Variants in CCNH observed in about 807,000 individuals in gnomAD.
CCNH encodes cyclin-H.
CCNH carries 31 observed loss-of-function variants against 41.9 expected under a neutral mutation model. The ratio of observed to expected loss-of-function variants is 0.74; its 90% CI spans 0.56 to 1.00. CCNH has a LOEUF of 1.00. Among genes scored for constraint, CCNH ranks in the 50% least tolerant of loss-of-function variants. The probability of loss-of-function intolerance (pLI) is 0.00; values close to 1 mark genes in which losing one functional copy is unlikely to be tolerated. For synonymous variants in CCNH, 138 were observed against 136.1 expected (o/e 1.01, Z -0.10); for missense variants, 362 against 388.4 (o/e 0.93, Z 0.57).
At chr5:87,360,937 T>C (rs905422611) in intron 9 of CCNH, among the ~76,000 whole-genome samples, 9 of 152,244 alleles carry the variant, frequency 5.9e-5, no homozygotes, top group African/African-American at 1.4e-4. Context: ...ATTTTAAGTA[T>C]GTTCAATCAA....
At chr5:87,381,648 T>C (rs1761723650), upstream of CCNH, among the ~76,000 whole-genome samples, 1 of 152,162 alleles carries the variant, frequency 6.6e-6, no homozygotes, top group South Asian at 2.1e-4. Context: ...GAACTACAGA[T>C]TCTGTTTTTC....
downstream of CCNH, among the ~76,000 whole-genome samples, chr5:87,390,185 A>C (rs1198646803): frequency 1.3e-5 from 2 of 152,208 alleles, no homozygotes; most frequent in African/African-American, 4.8e-5. Context: ...GATATTGGAG[A>C]TATAGAACAA....
intron 9 of CCNH, chr5:87,363,642 C>T (rs1356290995): frequency 2.1e-6 from 2 of 931,384 alleles, no homozygotes; most frequent in East Asian, 5.3e-5. Context: ...TTTTGCCTTC[C>T]TTGCTTAATT....
At chr5:87,357,144 C>T (rs899052494) in intron 9 of CCNH, among the ~76,000 whole-genome samples, 1 of 152,028 alleles carries the variant, frequency 6.6e-6, no homozygotes, top group Non-Finnish European at 1.5e-5. Flanking sequence ...TAACATCCAT[C>T]TTGTTTCACT....
At chr5:87,339,760 T>C (rs1238293966) in intron 9 of CCNH, among the ~76,000 whole-genome samples, 1 of 152,150 alleles carries the variant, frequency 6.6e-6, no homozygotes, top group Admixed American at 6.5e-5. Flanking sequence ...TATAGTAACA[T>C]TATAAATTAA....
At position 87,385,169 on chromosome 5, in the gene CCNH, C is replaced by T. The variant is rs1761982380; in HGVS notation, c.*90+7601G>A. The T allele has an allele frequency of 1.3e-5, 9 of 696,376 alleles. No individual in the cohort carries two copies. The South Asian group carries it at 1.5e-4, about 11-fold the overall frequency. 43.1% of individuals were successfully genotyped at this position (696,376 alleles called of 1,614,324 possible). On this transcript the variant is annotated intron_variant and NMD_transcript_variant, in intron 9 of 9. Coordinates refer to the CCNH transcript ENST00000645953. Reference sequence around the variant, plus strand: ...TTTTCAAAAAACATTTTTCCAAAAACATTCTGAGTTCCGAATGGAAGAATG... The same window carrying T: ...TTTTCAAAAAACATTTTTCCAAAAATATTCTGAGTTCCGAATGGAAGAATG...
chr5:87,393,504 A>T (rs539392440), downstream of CCNH: 1 of 152,240 alleles, frequency 6.6e-6, no homozygotes, highest in Non-Finnish European at 1.5e-5. Context: ...AGTGAAATAC[A>T]GCTGGCCATG....
chr5:87,394,439 C>T lies in CCNH; in HGVS notation c.*7G>A, dbSNP rs1444427053. 1.2e-6 allele frequency: 2 copies of T among 1,612,070 alleles called. No individual in the cohort carries two copies. Among genetic ancestry groups the T allele is most frequent in the African/African-American group, 2.7e-5 (2 of 74,852 alleles). On this transcript the variant is annotated 3_prime_UTR_variant, in exon 9 of 9. Transcript: ENST00000256897. ...TTAGTTAGCATTGAGAAATCAACTT[C>T]AAATGGTTAGAGAGATTCTACCAGG...
At chr5:87,346,945 C>T (rs1394445134) in intron 9 of CCNH, among the ~76,000 whole-genome samples, 1 of 151,968 alleles carries the variant, frequency 6.6e-6, no homozygotes, top group Non-Finnish European at 1.5e-5. Context: ...AGGCCCCTGT[C>T]CACTTCCTCA....
At chr5:87,379,967 C>T (rs1761595336), upstream of CCNH, 3 of 1,063,212 alleles carry the variant, frequency 2.8e-6, no homozygotes, top group Non-Finnish European at 4.1e-6. Context: ...CTGAAAAAGT[C>T]ATGGTTAATC....
downstream of CCNH, among the ~76,000 whole-genome samples, chr5:87,317,028 G>A (rs545240677): frequency 2.0e-5 from 3 of 152,124 alleles, no homozygotes; most frequent in African/African-American, 7.2e-5. Context: ...GATTACAGGC[G>A]TGTGCCACTA....
At chr5:87,324,690 T>TTATATACAATATATATACAATA (rs1466823446) in intron 9 of CCNH, among the ~76,000 whole-genome samples, 18 of 152,316 alleles carry the variant, frequency 1.2e-4, no homozygotes, top group Admixed American at 3.3e-4. Context: ...AGTTATCTGG[T>TTATATACAATATATATACAATA]TATATACAAA....
chr5:87,325,673 A>T (rs1757177827), intron 9 of CCNH, among the ~76,000 whole-genome samples: 1 of 152,244 alleles, frequency 6.6e-6, no homozygotes, highest in African/African-American at 2.4e-5. Context: ...AGTGGAAAGT[A>T]AAAGTAATCT....
upstream of CCNH, among the ~76,000 whole-genome samples, chr5:87,381,660 T>C (rs1044379684): frequency 6.6e-6 from 1 of 152,192 alleles, no homozygotes; most frequent in Non-Finnish European, 1.5e-5. Context: ...CTGTTTTTCT[T>C]GGCATTAGTG....
At chr5:87,406,943 C>A (rs1205756881) in intron 4 of CCNH, among the ~76,000 whole-genome samples, 1 of 152,172 alleles carries the variant, frequency 6.6e-6, no homozygotes, top group African/African-American at 2.4e-5. Flanking sequence ...TAAATTTAAA[C>A]CTTTCACTAG....
chr5:87,325,745 T>G (rs763518063), intron 9 of CCNH, among the ~76,000 whole-genome samples: 4 of 152,242 alleles, frequency 2.6e-5, no homozygotes, highest in Non-Finnish European at 5.9e-5. Context: ...TAGCACTGTT[T>G]TAATGGTTTT....
Position 87,383,755 on chromosome 5 carries a change from T to C in CCNH, c.*90+9015A>G, listed in dbSNP as rs766721039. ...GACTCATCTGTCCTGCCATCCTGAA[T>C]CCACGGATGTTCAATATCATCTCAG... is the stretch of plus-strand genomic sequence containing the variant. On this transcript the variant is annotated intron_variant and NMD_transcript_variant, in intron 9 of 9. Transcript: ENST00000645953. 1.9e-6 allele frequency: 3 copies of C among 1,611,508 alleles called. No individual in the cohort carries two copies. The highest frequency in any genetic ancestry group is 1.7e-4 in the Middle Eastern group (1 of 6,050).
chr5:87,411,446 A>T, intron 1 of CCNH, 100 bp from the exon 2 acceptor site: 3 of 1,134,144 alleles, frequency 2.6e-6, no homozygotes, highest in Non-Finnish European at 3.7e-6. Context: ...TTATATATCC[A>T]ACGAAGGGTA....
intron 1 of CCNH, 65 bp downstream of exon 1, chr5:87,412,613 A>G: frequency 6.3e-7 from 1 of 1,589,122 alleles, no homozygotes; most frequent in Non-Finnish European, 8.6e-7. Context: ...GGGAGCCAGA[A>G]GAGCTCCCGC....
Sources: gnomAD v4.1 joint callset for allele counts (sites outside exome capture counted in the v4.1 genomes callset) on GRCh38, gnomAD v4.1.1 for gene constraint, MANE v1.5 for transcripts, NCBI Gene and HGNC (gene_info 2026-07-23, HGNC 2026-07-21) for gene names.